PLD3: variants seen among roughly 807,000 people sequenced by gnomAD.
The protein encoded by PLD3 is phospholipase D family member 3.
Under a neutral mutation model 58.4 loss-of-function variants are expected in PLD3, and 31 were observed. The ratio of observed to expected loss-of-function variants is 0.53; its 90% confidence interval spans 0.40 to 0.72. PLD3 has a LOEUF of 0.72. Among genes scored for constraint, PLD3 ranks in the 30% least tolerant of loss-of-function variants. PLD3 has a pLI of 0.00. For missense variants in PLD3, 595 were observed against 659.8 expected, an observed-to-expected ratio of 0.90 and a Z score of 1.08; for synonymous variants, 264 against 273.4, an observed-to-expected ratio of 0.97 and a Z score of 0.34.
At chr19:40,377,059 A>AG (rs1450866093) in intron 11 of PLD3, among the ~76,000 whole-genome samples, 46 of 91,794 alleles carry the variant, frequency 5.0e-4, no homozygotes, top group Middle Eastern at 7.1e-3. Flanking sequence ...TGGGATTGGG[A>AG]GCACAGGCAG....
chr19:40,376,522 A>G lies in PLD3; in HGVS notation c.1020-87A>G. 3.7e-6 allele frequency: 5 copies of G among 1,335,490 alleles called. No individual in the cohort carries two copies. The South Asian group carries it at 6.6e-5, about 17-fold the overall frequency. The allele number at this position is 1,335,490 out of a possible 1,614,324, so 82.7% of individuals were successfully genotyped here. A position where few individuals can be genotyped will look rare whatever the true frequency, so the allele number is the denominator to read the frequency against. On this transcript the variant is annotated intron_variant, in intron 10 of 12. Coordinates refer to ENST00000409735, the MANE Select transcript of PLD3 (RefSeq NM_012268.4). The stretch of plus-strand genomic sequence containing the variant: ...CCTCTCAATAGCTAAAGCAGGGCCC[A>G]GGCTTGGTTCCCCAAAGCTGAGGGC...
chr19:40,377,941 G>A (rs767882944), intron 12 of PLD3, 45 bp from the exon 13 acceptor site: 1 of 1,612,156 alleles, frequency 6.2e-7, no homozygotes, highest in South Asian at 1.1e-5. Flanking sequence ...GACACCAGGG[G>A]CGGCCCCCCG....
intron 1 of PLD3, among the ~76,000 whole-genome samples, chr19:40,363,717 C>T (rs1426702119): frequency 6.6e-6 from 1 of 152,116 alleles, no homozygotes; most frequent in African/African-American, 2.4e-5. Context: ...AGGCGTGAGC[C>T]ACCACACCCG....
intron 1 of PLD3, among the ~76,000 whole-genome samples, chr19:40,349,945 C>T (rs1289586110): frequency 2.7e-5 from 4 of 146,996 alleles, no homozygotes. Context: ...GCAACAAGAG[C>T]GAGACTCCGT....
At chr19:40,358,743 A>G (rs973417145) in intron 1 of PLD3, 2 of 152,332 alleles carry the variant, frequency 1.3e-5, no homozygotes, top group African/African-American at 4.8e-5. Context: ...GCTCAGAAGT[A>G]AAGCCCCATG....
At chr19:40,373,991 CAAAAAA>C (rs750537190) in intron 9 of PLD3, among the ~76,000 whole-genome samples, 1 of 43,542 alleles carries the variant, frequency 2.3e-5, no homozygotes. Context: ...GACTCCATCT[CAAAAAA>C]AAAAAAAAAA....
chr19:40,374,342 G>A, intron 9 of PLD3, 139 bp from the exon 10 acceptor site: 1 of 846,284 alleles, frequency 1.2e-6, no homozygotes, highest in Non-Finnish European at 1.9e-6. Context: ...TGGATGTGGT[G>A]ATTGACCCTC....
At chr19:40,355,817 A>C (rs4490097) in intron 1 of PLD3, 56,676 of 151,784 alleles carry the variant, frequency 0.37, 12,131 homozygotes, top group South Asian at 0.62. Context: ...TAGGTCTCCC[A>C]GTCAAATAGG....
At position 40,374,557 on chromosome 19, in the gene PLD3, G is replaced by T; in HGVS notation, c.956G>T (p.Arg319Leu). 1 of 1,614,154 alleles carries T rather than the reference G, an allele frequency of 6.2e-7. No individual in the cohort carries two copies. The highest frequency in any genetic ancestry group is 8.5e-7 in the Non-Finnish European group (1 of 1,180,020). ...KALLNVVDNA[R>L]SFIYVAVMNY... Reference sequence around the variant, plus strand: ...CTACTCAACGTGGTGGACAATGCCCGGAGTTTCATCTACGTCGCTGTCATG... The same window carrying T: ...CTACTCAACGTGGTGGACAATGCCCTGAGTTTCATCTACGTCGCTGTCATG... Residue 319 changes from arginine (R) to leucine (L), a missense_variant, in exon 10 of 13, where the codon CGG becomes CTG. Coordinates refer to ENST00000409735, the MANE Select transcript of PLD3 (RefSeq NM_012268.4).
intron 1 of PLD3, among the ~76,000 whole-genome samples, chr19:40,361,987 C>T (rs987901946): frequency 1.3e-5 from 2 of 152,114 alleles, no homozygotes; most frequent in Non-Finnish European, 2.9e-5. Flanking sequence ...CAGGCGCCCT[C>T]CAACACGCCC....
At chr19:40,360,864 A>G (rs1185124921) in intron 1 of PLD3, among the ~76,000 whole-genome samples, 1 of 152,196 alleles carries the variant, frequency 6.6e-6, no homozygotes, top group Admixed American at 6.5e-5. Context: ...TCTCATCTCA[A>G]GATCCTAAAT....
At chr19:40,366,255 C>T (rs992143209) in intron 2 of PLD3, 164 bp from the exon 3 acceptor site, 4 of 600,076 alleles carry the variant, frequency 6.7e-6, no homozygotes, top group African/African-American at 5.6e-5. Flanking sequence ...TGAGGGATTT[C>T]GAAATCCTGC....
chr19:40,375,531 T>A (rs1456873995), intron 10 of PLD3, among the ~76,000 whole-genome samples: 1 of 151,122 alleles, frequency 6.6e-6, no homozygotes, highest in East Asian at 2.0e-4. Flanking sequence ...GCGCCTGTAG[T>A]CCCAGCTACT....
chr19:40,369,124 C>CT (rs1473236513), intron 6 of PLD3, among the ~76,000 whole-genome samples: 3 of 151,926 alleles, frequency 2.0e-5, no homozygotes, highest in African/African-American at 7.3e-5. Flanking sequence ...AACCCTGTCT[C>CT]TAAAAAAAAA....
chr19:40,350,275 A>C (rs979373958), intron 1 of PLD3, among the ~76,000 whole-genome samples: 1 of 151,844 alleles, frequency 6.6e-6, no homozygotes, highest in Non-Finnish European at 1.5e-5. Flanking sequence ...AAAAAAAAAA[A>C]AAAAAAAACT....
At chr19:40,360,794 G>A (rs1232207453) in intron 1 of PLD3, among the ~76,000 whole-genome samples, 1 of 152,052 alleles carries the variant, frequency 6.6e-6, no homozygotes, top group African/African-American at 2.4e-5. Flanking sequence ...CCTTCTGCCT[G>A]TTCTATCTCT....
At chr19:40,376,363 A>AAATG in intron 10 of PLD3, 1 of 381,850 alleles carries the variant, frequency 2.6e-6, no homozygotes, top group Non-Finnish European at 4.7e-6. Flanking sequence ...CTCAAAAAAA[A>AAATG]AAAGAAAGAA....
At chr19:40,359,958 C>A (rs574535675) in intron 1 of PLD3, 2 of 152,192 alleles carry the variant, frequency 1.3e-5, no homozygotes, top group African/African-American at 2.4e-5. Flanking sequence ...CTTAGCCTCC[C>A]GGAGTGCAGG....
chr19:40,370,094 C>A lies in PLD3; in HGVS notation c.551-16C>A. 1 of 1,601,650 alleles carries A rather than the reference C, an allele frequency of 6.2e-7. No individual in the cohort carries two copies. Among genetic ancestry groups the A allele is most frequent in the Non-Finnish European group, 8.5e-7 (1 of 1,174,334 alleles). On this transcript the variant is annotated splice_polypyrimidine_tract_variant and intron_variant, in intron 7 of 12. Coordinates refer to ENST00000409735, the MANE Select transcript of PLD3 (RefSeq NM_012268.4). ...TACCCAGCCTGGCCCCTGATCTCTGCCCCTGCTGGTCACAGGTGCCCAGGT... is the reference window on the plus strand; with the variant it reads ...TACCCAGCCTGGCCCCTGATCTCTGACCCTGCTGGTCACAGGTGCCCAGGT...
Sources: allele counts gnomAD v4.1 joint callset (sites outside exome capture counted in the v4.1 genomes callset), GRCh38; gene constraint gnomAD v4.1.1; transcripts MANE v1.5; gene names NCBI Gene and HGNC (gene_info 2026-07-23, HGNC 2026-07-21).